Variants in SFMBT2 observed in about 807,000 individuals in gnomAD.
The protein encoded by SFMBT2 is scm-like with four MBT domains protein 2.
A neutral mutation model predicts 110.1 loss-of-function variants in SFMBT2; 38 were observed. The observed-to-expected ratio is 0.35, with a 90% CI of 0.27 to 0.45. The LOEUF (loss-of-function observed/expected upper bound fraction) is 0.45. Among genes scored for constraint, SFMBT2 ranks in the 20% least tolerant of loss-of-function variants. SFMBT2 has a pLI of 1.00. For missense variants in SFMBT2, 1,011 were observed against 1,094.9 expected (o/e 0.92, Z 1.08); for synonymous variants, 425 against 425.4 (o/e 1.00, Z 0.01).
At chr10:7,337,740 A>G (rs1052458740) in intron 4 of SFMBT2, among the ~76,000 whole-genome samples, 4 of 152,154 alleles carry the variant, frequency 2.6e-5, no homozygotes, top group African/African-American at 9.7e-5. Flanking sequence ...ATAATAACAC[A>G]GGCACCCAAG....
chr10:7,359,353 G>A (rs762822113), intron 4 of SFMBT2, among the ~76,000 whole-genome samples: 13 of 152,208 alleles, frequency 8.5e-5, no homozygotes, highest in Non-Finnish European at 1.5e-4. Context: ...GGGAGGTGGG[G>A]CACCAAGGGA....
chr10:7,378,531 AGTGTGTGGGGGG>A (rs1845331788), intron 2 of SFMBT2, among the ~76,000 whole-genome samples: 1 of 5,920 alleles, frequency 1.7e-4, no homozygotes, highest in Non-Finnish European at 2.5e-4. Context: ...GATGGGTATG[AGTGTGTGGGGGG>A]GTGTATGTAT....
At chr10:7,335,620 C>CACA (rs1554806117) in intron 4 of SFMBT2, among the ~76,000 whole-genome samples, 1 of 150,750 alleles carries the variant, frequency 6.6e-6, no homozygotes, top group Non-Finnish European at 1.5e-5. Flanking sequence ...CACACACACA[C>CACA]AACCATATAC....
rs531115720 is a variant in SFMBT2, at chr10:7,161,417, C to A, written c.*2353G>T. 1 of 152,196 alleles carries A rather than the reference C, an allele frequency of 6.6e-6. No individual in the cohort carries two copies. Among genetic ancestry groups the A allele is most frequent in the Non-Finnish European group, 1.5e-5 (1 of 68,044 alleles). 9.4% of individuals were successfully genotyped at this position (152,196 alleles called of 1,614,324 possible). On this transcript the variant is annotated 3_prime_UTR_variant, in exon 21 of 21. Coordinates refer to ENST00000397167, the MANE Select transcript of SFMBT2 (RefSeq NM_001387889.1). ...GTGAAGGATCATCAAAGAGTCAGCG[C>A]GGGGAAAATGCCAAAGATCTGGAAA...
At chr10:7,397,817 C>T (rs2132117691) in intron 1 of SFMBT2, among the ~76,000 whole-genome samples, 1 of 152,324 alleles carries the variant, frequency 6.6e-6, no homozygotes, top group African/African-American at 2.4e-5. Context: ...TCTATTTATA[C>T]TCGCCCCGTC....
intron 1 of SFMBT2, among the ~76,000 whole-genome samples, chr10:7,392,653 A>T (rs1845800492): frequency 6.6e-6 from 1 of 152,120 alleles, no homozygotes; most frequent in African/African-American, 2.4e-5. Context: ...TATCTCACAA[A>T]ACTATTGCAA....
At chr10:7,299,894 CA>C (rs1842509490) in intron 4 of SFMBT2, among the ~76,000 whole-genome samples, 1 of 152,014 alleles carries the variant, frequency 6.6e-6, no homozygotes, top group African/African-American at 2.4e-5. Context: ...GACATGGAGC[CA>C]ACCCAAATAC....
chr10:7,352,928 T>C (rs1250264002), intron 4 of SFMBT2, among the ~76,000 whole-genome samples: 3 of 152,116 alleles, frequency 2.0e-5, no homozygotes, highest in Non-Finnish European at 4.4e-5. Context: ...GAGAATGGTG[T>C]GAACCCAGGA....
chr10:7,321,122 A>C (rs1381841010), intron 4 of SFMBT2, among the ~76,000 whole-genome samples: 1 of 152,158 alleles, frequency 6.6e-6, no homozygotes, highest in African/African-American at 2.4e-5. Context: ...GAAGGCTCTC[A>C]GTTAAAAAAG....
At chr10:7,402,342 T>A (rs899516071) in intron 1 of SFMBT2, among the ~76,000 whole-genome samples, 1 of 152,170 alleles carries the variant, frequency 6.6e-6, no homozygotes, top group Non-Finnish European at 1.5e-5. Context: ...AAACTATACT[T>A]GTGCCTAGCA....
intron 16 of SFMBT2, among the ~76,000 whole-genome samples, chr10:7,177,763 C>A (rs977373549): frequency 1.3e-5 from 2 of 151,978 alleles, no homozygotes; most frequent in South Asian, 4.2e-4. Flanking sequence ...AAGGCTGAGG[C>A]AGGAGGATTC....
Position 7,162,593 on chromosome 10 carries a change from G to C in SFMBT2, c.*1177C>G, listed in dbSNP as rs1308921401. 1 of 152,262 alleles carries C rather than the reference G, an allele frequency of 6.6e-6. No individual in the cohort carries two copies. Among genetic ancestry groups the C allele is most frequent in the African/African-American group, 2.4e-5 (1 of 41,446 alleles). The allele number at this position is 152,262 out of a possible 1,614,324, so 9.4% of individuals were successfully genotyped here. A position where few individuals can be genotyped will look rare whatever the true frequency, so the allele number is the denominator to read the frequency against. On this transcript the variant is annotated 3_prime_UTR_variant, in exon 21 of 21. Coordinates refer to ENST00000397167, the MANE Select transcript of SFMBT2 (RefSeq NM_001387889.1). ...GACCTGCTGCAGTGATCCTTCTAAG[G>C]GGGACGTAGCTGGTTGATGAAATGC... is the stretch of plus-strand genomic sequence containing the variant.
chr10:7,403,915 TA>T (rs1303424029), intron 1 of SFMBT2, among the ~76,000 whole-genome samples: 1 of 152,188 alleles, frequency 6.6e-6, no homozygotes, highest in Non-Finnish European at 1.5e-5. Flanking sequence ...GATATTTAAA[TA>T]AGCAGCTTTT....
intron 1 of SFMBT2, among the ~76,000 whole-genome samples, chr10:7,406,564 C>A (rs1265963321): frequency 6.6e-6 from 1 of 151,238 alleles, no homozygotes; most frequent in Non-Finnish European, 1.5e-5. Flanking sequence ...GAAAACGAAA[C>A]AGGGAAGAGT....
chr10:7,329,542 G>T, intron 4 of SFMBT2: 1 of 984,604 alleles, frequency 1.0e-6, no homozygotes, highest in Non-Finnish European at 1.2e-6. Flanking sequence ...TACCTCTGCT[G>T]GGTCACAAAC....
chr10:7,328,960 T>C (rs1341696266), intron 4 of SFMBT2, among the ~76,000 whole-genome samples: 1 of 152,216 alleles, frequency 6.6e-6, no homozygotes, highest in African/African-American at 2.4e-5. Context: ...AAGCAGCCCA[T>C]GCGGCTTGGA....
At chr10:7,180,868 C>T (rs1445306076) in intron 16 of SFMBT2, among the ~76,000 whole-genome samples, 1 of 152,052 alleles carries the variant, frequency 6.6e-6, no homozygotes, top group Non-Finnish European at 1.5e-5. Context: ...CTGTCACAGC[C>T]GGAGTTGCAA....
In SFMBT2 at chr10:7,289,298, G is replaced by A. The variant is rs552084907; in HGVS notation, c.437-3344C>T. Among the ~76,000 whole-genome samples, 7 of 152,240 alleles carry A rather than the reference G, an allele frequency of 4.6e-5. No individual in the cohort carries two copies. The South Asian group carries it at 1.2e-3, about 27-fold the overall frequency. The stretch of plus-strand genomic sequence containing the variant: ...TAACACAGACGTCTATATCCACTAC[G>A]GGAAGAAAGCTCTATTTTCCACAGG... On this transcript the variant is annotated intron_variant, in intron 4 of 20. Transcript: ENST00000397167.
chr10:7,241,901 C>T (rs1217383764), intron 9 of SFMBT2, among the ~76,000 whole-genome samples: 1 of 152,082 alleles, frequency 6.6e-6, no homozygotes, highest in Admixed American at 6.6e-5. Flanking sequence ...AATGAGGAAA[C>T]AGCCAACCAT....
Sources: allele counts gnomAD v4.1 joint callset (sites outside exome capture counted in the v4.1 genomes callset), GRCh38; gene constraint gnomAD v4.1.1; transcripts MANE v1.5; gene names NCBI Gene and HGNC (gene_info 2026-07-23, HGNC 2026-07-21).